The following ANO10 variants were observed in gnomAD, a reference collection of about 807,000 sequenced individuals.
ANO10 encodes the protein anoctamin 10.
In ANO10, 77 loss-of-function variants were observed where a neutral mutation model predicts 74.7. The observed-to-expected ratio is 1.03, with a 90% confidence interval of 0.86 to 1.25. The LOEUF (loss-of-function observed/expected upper bound fraction) is 1.25, where lower values mean the gene tolerates loss of function less well. ANO10 is among the 50% of genes most tolerant of loss of function. The probability of loss-of-function intolerance (pLI) is 0.00; values close to 1 mark genes in which losing one functional copy is unlikely to be tolerated. For missense variants in ANO10, 721 were observed against 778.1 expected (o/e 0.93, Z 0.87); for synonymous variants, 279 against 284.9 (o/e 0.98, Z 0.21).
At chr3:43,507,663 A>G (rs1298940277) in intron 11 of ANO10, among the ~76,000 whole-genome samples, 1 of 152,150 alleles carries the variant, frequency 6.6e-6, no homozygotes, top group Non-Finnish European at 1.5e-5. Context: ...CACTCAGGAA[A>G]GGCATATCTA....
At chr3:43,373,835 A>G (rs189669751) in intron 12 of ANO10, among the ~76,000 whole-genome samples, 11 of 152,336 alleles carry the variant, frequency 7.2e-5, no homozygotes, top group Admixed American at 4.6e-4. Context: ...GTGGCCAGAA[A>G]GAGCTGGATG....
intron 11 of ANO10, among the ~76,000 whole-genome samples, chr3:43,522,767 C>G (rs1307103856): frequency 6.6e-6 from 1 of 152,184 alleles, no homozygotes; most frequent in East Asian, 1.9e-4. Context: ...GGAGCAATGT[C>G]CAAAGTCATA....
intron 4 of ANO10, among the ~76,000 whole-genome samples, chr3:43,592,332 C>T (rs2149451994): frequency 6.6e-6 from 1 of 152,354 alleles, no homozygotes; most frequent in Non-Finnish European, 1.5e-5. Context: ...AGTAGCCTAA[C>T]TGGGAGGCAA....
At chr3:43,595,329 A>C (rs529309326) in intron 4 of ANO10, among the ~76,000 whole-genome samples, 2 of 152,362 alleles carry the variant, frequency 1.3e-5, no homozygotes, top group East Asian at 3.9e-4. Context: ...ATTTTAGATC[A>C]ATATCCCTGA....
chr3:43,373,825 G>A (rs1189281409), intron 12 of ANO10, among the ~76,000 whole-genome samples: 2 of 152,168 alleles, frequency 1.3e-5, no homozygotes, highest in Admixed American at 1.3e-4. Context: ...GGTTCCACAG[G>A]TGGCCAGAAA....
intron 10 of ANO10, 108 bp from the exon 11 acceptor site, chr3:43,549,956 A>G (rs1353937307): frequency 1.6e-6 from 2 of 1,279,946 alleles, no homozygotes; most frequent in Admixed American, 2.3e-5. Flanking sequence ...CCCTAGTTCT[A>G]AACATTCCAA....
At chr3:43,682,538 C>T (rs1312916653) in intron 1 of ANO10, among the ~76,000 whole-genome samples, 3 of 152,124 alleles carry the variant, frequency 2.0e-5, no homozygotes, top group Admixed American at 1.3e-4. Flanking sequence ...TGAAACTATT[C>T]CAATCAATAG....
intron 10 of ANO10, among the ~76,000 whole-genome samples, chr3:43,553,143 T>G (rs1263334221): frequency 6.6e-6 from 1 of 152,188 alleles, no homozygotes; most frequent in Non-Finnish European, 1.5e-5. Flanking sequence ...ATTTTGCCAC[T>G]TTCTTCTGGC....
rs200928279 is a variant in ANO10, at chr3:43,488,753, T to C, written c.1798-56026A>G. Among the ~76,000 whole-genome samples, 7 of 152,140 alleles carry C rather than the reference T, an allele frequency of 4.6e-5. No homozygotes were observed. In the East Asian group the frequency reaches 1.4e-3, roughly 29 times the overall value. ...TAAACTAGTTCAACCATTGTGGAAG[T>C]TGGTGTGGCGATTCCTCAGGGATCT... is the stretch of plus-strand genomic sequence containing the variant. On this transcript the variant is annotated intron_variant, in intron 11 of 12. Transcript: ENST00000292246.
chr3:43,385,799 C>T (rs1355526993), intron 12 of ANO10, among the ~76,000 whole-genome samples: 1 of 152,010 alleles, frequency 6.6e-6, no homozygotes, highest in Non-Finnish European at 1.5e-5. Context: ...TAAAAGACTA[C>T]ACATTGGGTA....
At chr3:43,383,332 T>C (rs1333911300) in intron 12 of ANO10, among the ~76,000 whole-genome samples, 1 of 151,760 alleles carries the variant, frequency 6.6e-6, no homozygotes, top group Non-Finnish European at 1.5e-5. Context: ...CAGGTGCCTG[T>C]AGTCCCAGCT....
intron 1 of ANO10, among the ~76,000 whole-genome samples, chr3:43,663,419 C>T (rs1002873860): frequency 1.3e-5 from 2 of 152,160 alleles, no homozygotes; most frequent in East Asian, 1.9e-4. Flanking sequence ...TTATGACAAA[C>T]CCACAGCCAA....
In ANO10 at chr3:43,526,883, C is replaced by T. The variant is rs867349176; in HGVS notation, c.1797+22837G>A. ...AAGTTCTCTTAGGGTCTAAAATAAT[C>T]TCTAGTCTACTGGTTGACCTCAACA... On this transcript the variant is annotated intron_variant, in intron 11 of 12. Transcript: ENST00000292246. Among the ~76,000 whole-genome samples the T allele has an allele frequency of 1.8e-4, 13 of 71,822 alleles. 1 individual carries two copies. In the East Asian group the frequency reaches 4.3e-3, roughly 24 times the overall value. 47.1% of individuals were successfully genotyped at this position (71,822 alleles called of 152,430 possible). A position where few individuals can be genotyped will look rare whatever the true frequency, so the allele number is the denominator to read the frequency against.
chr3:43,553,540 T>TC (rs1491136551), intron 10 of ANO10, among the ~76,000 whole-genome samples: 4 of 10,846 alleles, frequency 3.7e-4, no homozygotes, highest in Non-Finnish European at 6.1e-4. Context: ...AATTTCTCTC[T>TC]TTTTTTTTTT....
At chr3:43,428,137 C>T (rs1258983365) in intron 12 of ANO10, among the ~76,000 whole-genome samples, 2 of 152,008 alleles carry the variant, frequency 1.3e-5, no homozygotes, top group Non-Finnish European at 2.9e-5. Flanking sequence ...GCAACCTCCA[C>T]CTTCGAGATT....
chr3:43,407,551 T>C (rs1045668681), intron 12 of ANO10, among the ~76,000 whole-genome samples: 3 of 152,128 alleles, frequency 2.0e-5, no homozygotes, highest in Non-Finnish European at 2.9e-5. Flanking sequence ...CTTGGAAGTA[T>C]AGATGCAAAT....
intron 1 of ANO10, among the ~76,000 whole-genome samples, chr3:43,608,580 G>C (rs1025660042): frequency 6.6e-6 from 1 of 152,036 alleles, no homozygotes; most frequent in Non-Finnish European, 1.5e-5. Flanking sequence ...CCTTTGTTTT[G>C]TTTTGTTTTG....
intron 1 of ANO10, among the ~76,000 whole-genome samples, chr3:43,660,650 G>A (rs1003905935): frequency 4.6e-5 from 7 of 152,154 alleles, no homozygotes; most frequent in Non-Finnish European, 8.8e-5. Flanking sequence ...TAGGGAGAAC[G>A]GAACCAAGTT....
intron 2 of ANO10, 80 bp downstream of exon 2, chr3:43,605,634 T>C (rs766725748): frequency 1.9e-4 from 290 of 1,503,414 alleles, no homozygotes; most frequent in Non-Finnish European, 2.4e-4. Flanking sequence ...ACATTTTTAG[T>C]GACTGAGCAT....
Sources: gnomAD v4.1 joint callset for allele counts (sites outside exome capture counted in the v4.1 genomes callset) on GRCh38, gnomAD v4.1.1 for gene constraint, MANE v1.5 for transcripts, NCBI Gene and HGNC (gene_info 2026-07-23, HGNC 2026-07-21) for gene names.